The following MGAM variants were observed in gnomAD, a reference collection of about 807,000 sequenced individuals.
The protein encoded by MGAM is maltase-glucoamylase.
In MGAM, 253 loss-of-function variants were observed where a neutral mutation model predicts 358.8. The observed-to-expected ratio is 0.71, with a 90% CI of 0.64 to 0.78. The LOEUF is 0.78. Ranked by LOEUF, MGAM falls within the 30% of genes least tolerant of loss-of-function variation. MGAM has a pLI of 0.00. For synonymous variants in MGAM, 1,105 were observed against 1,227.1 expected (o/e 0.90, Z 2.08); for missense variants, 3,080 against 3,432.6 (o/e 0.90, Z 2.57).
rs548352172 is a variant in MGAM at position 142,094,071 on chromosome 7, T to C, written c.7173-293T>C. 1.6e-4 allele frequency among the ~76,000 whole-genome samples: 23 copies of C among 146,460 alleles called. 1 individual carries two copies. The highest frequency in any genetic ancestry group is 4.8e-4 in the African/African-American group (20 of 41,282). ...TCTTCACTGTGTTCCTCCTCAAATATAGAAAACTAAGTTTTGGGGAAACCA... is the reference window on the plus strand; with the variant it reads ...TCTTCACTGTGTTCCTCCTCAAATACAGAAAACTAAGTTTTGGGGAAACCA... On this transcript the variant is annotated intron_variant, in intron 60 of 70. Coordinates refer to ENST00000475668, the MANE Select transcript of MGAM (RefSeq NM_001365693.1).
intron 25 of MGAM, 92 bp from the exon 26 acceptor site, chr7:142,052,692 G>T: frequency 1.1e-5 from 17 of 1,483,558 alleles, no homozygotes; most frequent in Non-Finnish European, 1.5e-5. Flanking sequence ...TAGTTTTATC[G>T]TCATATAAAA....
chr7:142,042,577 T>A (rs1357476439), intron 21 of MGAM, among the ~76,000 whole-genome samples: 1 of 48,698 alleles, frequency 2.1e-5, no homozygotes, highest in Non-Finnish European at 3.5e-5. Flanking sequence ...ATATATAATA[T>A]ATATTATATA....
intron 14 of MGAM, 127 bp downstream of exon 14, chr7:142,033,036 G>A (rs2129005273): frequency 8.4e-5 from 44 of 524,200 alleles, no homozygotes; most frequent in South Asian, 4.1e-4. Context: ...GAAATATGTG[G>A]GTAATATATA....
intron 57 of MGAM, among the ~76,000 whole-genome samples, chr7:142,091,124 G>A (rs112659711): frequency 0.035 from 4,984 of 144,378 alleles, 749 homozygotes; most frequent in South Asian, 0.071. Flanking sequence ...GTGTGTGCCT[G>A]TAATCCCAGC....
At chr7:142,018,902 C>T in intron 3 of MGAM, among the ~76,000 whole-genome samples, 1 of 151,526 alleles carries the variant, frequency 6.6e-6, no homozygotes, top group East Asian at 1.9e-4. Context: ...GGTGATATAG[C>T]TATATTATTG....
At chr7:141,989,437 A>G (rs958162155) in intron 2 of MGAM, among the ~76,000 whole-genome samples, 1 of 152,202 alleles carries the variant, frequency 6.6e-6, no homozygotes, top group Non-Finnish European at 1.5e-5. Context: ...ATTTCCAGAT[A>G]AGGCAACTGA....
chr7:142,054,397 G>A (rs73542770), intron 26 of MGAM, among the ~76,000 whole-genome samples: 2,867 of 152,054 alleles, frequency 0.019, 97 homozygotes, highest in African/African-American at 0.064. Flanking sequence ...TTCATTTTGG[G>A]GAGACAGGTT....
intron 6 of MGAM, 42 bp from the exon 7 acceptor site, chr7:142,022,226 C>A (rs1806527774): frequency 1.3e-6 from 2 of 1,553,104 alleles, no homozygotes; most frequent in African/African-American, 2.7e-5. Flanking sequence ...TTCTCTCCAC[C>A]CTGCTTGCTC....
upstream of MGAM, among the ~76,000 whole-genome samples, chr7:141,992,063 T>G (rs576730063): frequency 5.3e-5 from 8 of 152,326 alleles, no homozygotes; most frequent in Middle Eastern, 3.4e-3. Flanking sequence ...AATGAGAGAT[T>G]GGCATATTTG....
At chr7:142,039,446 A>G (rs1439850355) in intron 19 of MGAM, among the ~76,000 whole-genome samples, 1 of 152,006 alleles carries the variant, frequency 6.6e-6, no homozygotes, top group Non-Finnish European at 1.5e-5. Flanking sequence ...TTCACTCACT[A>G]TCACCAGGAC....
Position 142,067,405 on chromosome 7 carries a change from G to T in MGAM, c.4984G>T (p.Val1662Phe). 6.4e-7 allele frequency: 1 copy of T among 1,552,064 alleles called. No individual in the cohort carries two copies. The highest frequency in any genetic ancestry group is 8.9e-7 in the Non-Finnish European group (1 of 1,129,660). Residue 1662 changes from valine (V) to phenylalanine (F), a missense_variant, in exon 42 of 71, where the codon GTC (valine) becomes TTC (phenylalanine). Val to Phe is a conservative substitution (Grantham distance 50). Coordinates refer to ENST00000475668, the MANE Select transcript of MGAM (RefSeq NM_001365693.1). ...SQFLLGPAFL[V>F]SPVLERNARN... The stretch of plus-strand genomic sequence containing the variant: ...GTTCCTGCTGGGCCCAGCCTTCCTG[G>T]TCAGCCCTGTCCTGGAGCGCGTGAG...
intron 1 of MGAM, among the ~76,000 whole-genome samples, chr7:142,000,754 T>A (rs188041010): frequency 2.4e-4 from 37 of 152,292 alleles, no homozygotes; most frequent in Non-Finnish European, 4.4e-4. Context: ...GTAAGTGTAT[T>A]TAAGGGATGA....
chr7:142,022,604 C>T (rs1806568823), intron 7 of MGAM, among the ~76,000 whole-genome samples, 165 bp downstream of exon 7: 1 of 152,098 alleles, frequency 6.6e-6, no homozygotes, highest in African/African-American at 2.4e-5. Flanking sequence ...TGGGTGTTAC[C>T]TACCTCTCTG....
Position 142,083,190 on chromosome 7 carries a change from C to T in MGAM, c.6269-111C>T. The T allele has an allele frequency of 4.8e-6, 4 of 829,354 alleles. 1 individual carries two copies. The South Asian group carries it at 7.3e-5, about 15-fold the overall frequency. The allele number at this position is 829,354 out of a possible 1,614,324, so 51.4% of individuals were successfully genotyped here. On this transcript the variant is annotated intron_variant, in intron 52 of 70. Coordinates refer to ENST00000475668, the MANE Select transcript of MGAM (RefSeq NM_001365693.1). ...GTGATTATGATAGAAAATACTGGCT[C>T]TTACTACTCTACGATAGGGAGGGTG...
chr7:142,053,552 T>C (rs2129033182), intron 26 of MGAM, among the ~76,000 whole-genome samples: 1 of 152,286 alleles, frequency 6.6e-6, no homozygotes, highest in Non-Finnish European at 1.5e-5. Context: ...TATGCAGTAA[T>C]TTCATTTCTT....
chr7:142,050,910 G>A (rs771570410), intron 24 of MGAM, 46 bp downstream of exon 24: 5 of 1,611,546 alleles, frequency 3.1e-6, no homozygotes, highest in African/African-American at 2.7e-5. Flanking sequence ...ATTCTCCATA[G>A]CATCGTGATG....
In MGAM at chr7:142,106,070, A is replaced by G; in HGVS notation, c.*179A>G. On this transcript the variant is annotated 3_prime_UTR_variant, in exon 71 of 71. Coordinates refer to ENST00000475668, the MANE Select transcript of MGAM (RefSeq NM_001365693.1). ...AAAGGTTAAACCTTAGCCCTGTGGG[A>G]TAGGCAGTTAGGGAGGTGTGGAAAA... The G allele has an allele frequency of 1.9e-6, 1 of 530,394 alleles. No individual in the cohort carries two copies. Among genetic ancestry groups the G allele is most frequent in the Non-Finnish European group, 3.4e-6 (1 of 294,140 alleles). The allele number at this position is 530,394 out of a possible 1,614,324, so 32.9% of individuals were successfully genotyped here. A position where few individuals can be genotyped will look rare whatever the true frequency, so the allele number is the denominator to read the frequency against.
At chr7:142,100,719 G>A in intron 67 of MGAM, 83 bp from the exon 68 acceptor site, 1 of 1,201,368 alleles carries the variant, frequency 8.3e-7, no homozygotes. Flanking sequence ...ACTTCCCTTT[G>A]CTGCTTTATG....
chr7:142,021,727 A>C lies in MGAM; in HGVS notation c.700A>C (p.Asn234His), dbSNP rs1806475934. 3 of 1,613,792 alleles carry C rather than the reference A, an allele frequency of 1.9e-6. No individual in the cohort carries two copies. In the African/African-American group the frequency reaches 4.0e-5, roughly 22 times the overall value. ...CATCAAAGTGACCAGAAGAAGCAAC[A>C]ATCGTGTTTTGTAAGTTTTGGAAAC... Reference protein sequence around the residue: ...FSIKVTRRSNNRVLFDSSIGP... With the variant: ...FSIKVTRRSNHRVLFDSSIGP... The change falls in exon 6 of 71, where the codon AAT (asparagine) becomes CAT (histidine). Residue 234 changes from asparagine (N) to histidine (H), a missense_variant. This residue lies in a region of MGAM where 1,816 missense variants were observed against 1,840.5 expected (regional missense o/e 0.99). Transcript: ENST00000475668.
Sources: allele counts gnomAD v4.1 joint callset (sites outside exome capture counted in the v4.1 genomes callset), GRCh38; gene constraint gnomAD v4.1.1; regional missense constraint gnomAD v4.1.1; transcripts MANE v1.5; gene names NCBI Gene and HGNC (gene_info 2026-07-23, HGNC 2026-07-21).